MINAR1: variants seen among roughly 807,000 people sequenced by gnomAD.
MINAR1 encodes major intrinsically disordered Notch2-binding receptor 1.
In MINAR1, 40 loss-of-function variants were observed where a neutral mutation model predicts 65.1. That is an observed-to-expected ratio of 0.61 (90% confidence interval 0.48 to 0.80). The LOEUF (loss-of-function observed/expected upper bound fraction) is 0.80, where lower values mean the gene tolerates loss of function less well. Among genes scored for constraint, MINAR1 ranks in the 30% least tolerant of loss-of-function variants. The probability of loss-of-function intolerance (pLI) is 0.00; values close to 1 mark genes in which losing one functional copy is unlikely to be tolerated. For synonymous variants in MINAR1, 482 were observed against 449.1 expected, an observed-to-expected ratio of 1.07 and a Z score of -0.93; for missense variants, 1,128 against 1,148.0, an observed-to-expected ratio of 0.98 and a Z score of 0.25.
intron 2 of MINAR1, among the ~76,000 whole-genome samples, chr15:79,459,646 G>A (rs907141456): frequency 1.3e-5 from 2 of 152,178 alleles, no homozygotes; most frequent in East Asian, 1.9e-4. Context: ...GGAGGAGGCC[G>A]AGCTCCTCAA....
chr15:79,450,248 C>T (rs1471888418), intron 1 of MINAR1, among the ~76,000 whole-genome samples: 2 of 152,172 alleles, frequency 1.3e-5, no homozygotes, highest in Non-Finnish European at 2.9e-5. Flanking sequence ...CCCATCCAGC[C>T]CGCTCTAAAG....
At chr15:79,426,369 A>T in the MINAR1 span, 1 of 152,208 alleles carries the variant, frequency 6.6e-6, no homozygotes, top group African/African-American at 2.4e-5. Context: ...CTCAGGCAAA[A>T]GCATTGGGTT....
At chr15:79,462,925 G>A (rs993731327) in intron 2 of MINAR1, 142 bp from the exon 3 acceptor site, 13 of 808,366 alleles carry the variant, frequency 1.6e-5, no homozygotes, top group Non-Finnish European at 2.3e-5. Context: ...ATATGGTTAT[G>A]CTTTCATACT....
Position 79,434,062 on chromosome 15 carries a change from GATAA to G in MINAR1, c.-51+1528_-51+1531del, listed in dbSNP as rs148155549. ...CTGGAGGGAAAAACCTTAAATGTCT[GATAA>G]ATAAAGTCTGATTTTTATTGTGTGT... On this transcript the variant is annotated intron_variant, in intron 1 of 3. Coordinates refer to ENST00000305428, the MANE Select transcript of MINAR1 (RefSeq NM_015206.3). Among the ~76,000 whole-genome samples, 1,024 of 152,318 alleles carry G rather than the reference GATAA, an allele frequency of 6.7e-3. 42 individuals are homozygous for G. The East Asian group carries it at 0.13, about 19-fold the overall frequency.
At chr15:79,435,087 C>G (rs1340629778) in intron 1 of MINAR1, among the ~76,000 whole-genome samples, 3 of 152,134 alleles carry the variant, frequency 2.0e-5, no homozygotes, top group African/African-American at 7.2e-5. Flanking sequence ...CCAGCCTGAC[C>G]AACATGGAGA....
chr15:79,419,734 G>A, the MINAR1 span: 1 of 152,110 alleles, frequency 6.6e-6, no homozygotes, highest in Admixed American at 6.5e-5. Context: ...GAATCAAAGA[G>A]TAAATTAATA....
At chr15:79,434,487 C>T (rs1894539720) in intron 1 of MINAR1, among the ~76,000 whole-genome samples, 1 of 152,240 alleles carries the variant, frequency 6.6e-6, no homozygotes, top group Admixed American at 6.5e-5. Context: ...TGAGCCCTTT[C>T]TCAAATCTTG....
chr15:79,463,606 T>C, intron 3 of MINAR1: 2 of 619,486 alleles, frequency 3.2e-6, no homozygotes, highest in Admixed American at 2.1e-5. Flanking sequence ...TTTACGACTC[T>C]GTACCAAGTG....
At chr15:79,442,235 C>CTGTTTT in intron 1 of MINAR1, among the ~76,000 whole-genome samples, 1 of 152,078 alleles carries the variant, frequency 6.6e-6, no homozygotes, top group South Asian at 2.1e-4. Context: ...CTGTAATTTA[C>CTGTTTT]TTTTGTCAAT....
intron 1 of MINAR1, among the ~76,000 whole-genome samples, chr15:79,436,399 T>C (rs908596164): frequency 6.6e-6 from 1 of 152,146 alleles, no homozygotes; most frequent in Non-Finnish European, 1.5e-5. Flanking sequence ...TATTTGGTAA[T>C]ATACTCAGGT....
rs776589262 is a variant in MINAR1 at position 79,458,143 on chromosome 15, GCA to G, written c.2001_2002del (p.His667GlnfsTer13). 1.2e-5 allele frequency: 20 copies of G among 1,614,112 alleles called. No homozygotes were observed. The highest frequency in any genetic ancestry group is 1.7e-5 in the Non-Finnish European group (20 of 1,179,996). ...CAGTGCCTCTCCCCGGATGTTCCACGCACACAGTGGCTCCCACGGACCCAAAC... is the reference window on the plus strand; with the variant it reads ...CAGTGCCTCTCCCCGGATGTTCCACGCACAGTGGCTCCCACGGACCCAAAC... ...DDSASPRMFH[A>X]HSGSHGPKLE... On this transcript the variant is annotated frameshift_variant, in exon 2 of 4. Transcript: ENST00000305428. LOFTEE classifies it high-confidence loss of function.
chr15:79,456,665 C>T lies in MINAR1; in HGVS notation c.518C>T (p.Ser173Phe). 1 of 1,614,180 alleles carries T rather than the reference C, an allele frequency of 6.2e-7. No individual in the cohort carries two copies. Among genetic ancestry groups the T allele is most frequent in the Non-Finnish European group, 8.5e-7 (1 of 1,180,038 alleles). ...GACTGCCCACAGTTTGTCCCTGCCTCTGAGCCTAACTTCCTGTTGGGAGTT... is the reference window on the plus strand; with the variant it reads ...GACTGCCCACAGTTTGTCCCTGCCTTTGAGCCTAACTTCCTGTTGGGAGTT... ...CKDCPQFVPASEPNFLLGVSK... is the reference protein window; with the variant it reads ...CKDCPQFVPAFEPNFLLGVSK... The change falls in exon 2 of 4, where the codon TCT (serine) becomes TTT (phenylalanine). Residue 173 changes from serine to phenylalanine, a missense_variant. Ser to Phe is a radical substitution (Grantham distance 155). Transcript: ENST00000305428.
intron 2 of MINAR1, 96 bp from the exon 3 acceptor site, chr15:79,462,971 T>C: frequency 7.1e-7 from 1 of 1,399,492 alleles, no homozygotes; most frequent in African/African-American, 1.4e-5. Context: ...CTTTGCTACC[T>C]GAATGTCTAC....
rs373291507 is a variant in MINAR1 at position 79,469,539 on chromosome 15, GTCTATCTA to G, written c.*1165_*1172del. 5.3e-5 allele frequency: 8 copies of G among 151,454 alleles called. No homozygotes were observed. Among genetic ancestry groups the G allele is most frequent in the Non-Finnish European group, 1.2e-4 (8 of 67,842 alleles). 9.4% of individuals were successfully genotyped at this position (151,454 alleles called of 1,614,324 possible). On this transcript the variant is annotated 3_prime_UTR_variant, in exon 4 of 4. Transcript: ENST00000305428. ...TATCTGTTTAACCACTTATCTATATGTCTATCTATCTATCTATATGTCTATCTATCTAT... is the reference window on the plus strand; with the variant it reads ...TATCTGTTTAACCACTTATCTATATGTCTATCTATATGTCTATCTATCTAT...
At chr15:79,463,039 G>C (rs1168707526) in intron 2 of MINAR1, 28 bp from the exon 3 acceptor site, 10 of 1,594,304 alleles carry the variant, frequency 6.3e-6, no homozygotes, top group African/African-American at 1.3e-5. Context: ...TGTGCCACTT[G>C]TCTGGACTTC....
intron 2 of MINAR1, among the ~76,000 whole-genome samples, chr15:79,459,767 T>G (rs1196498722): frequency 6.6e-6 from 1 of 152,184 alleles, no homozygotes; most frequent in Non-Finnish European, 1.5e-5. Context: ...ACCTCTAGTG[T>G]CTGCTGGTTA....
In MINAR1 at chr15:79,469,371, CATTTTCAATGGCTTTAAAAAG is replaced by C. The variant is rs1895989953; in HGVS notation, c.*993_*1013del. 6.6e-6 allele frequency: 1 copy of C among 152,484 alleles called. No homozygotes were observed. The highest frequency in any genetic ancestry group is 2.1e-4 in the South Asian group (1 of 4,802). 9.4% of individuals were successfully genotyped at this position (152,484 alleles called of 1,614,324 possible). A position where few individuals can be genotyped will look rare whatever the true frequency, so the allele number is the denominator to read the frequency against. On this transcript the variant is annotated 3_prime_UTR_variant, in exon 4 of 4. Transcript: ENST00000305428. The stretch of plus-strand genomic sequence containing the variant: ...GTTTTCACGCACCACTAATATCTGC[CATTTTCAATGGCTTTAAAAAG>C]ATTTTGAAAGCTTGCTCAATAATGT...
chr15:79,456,685 G>T lies in MINAR1; in HGVS notation c.538G>T (p.Gly180Ter), dbSNP rs538077419. ...VPASEPNFLL[G>*]VSKEVKNRAA... Reference sequence around the variant, plus strand: ...TGCCTCTGAGCCTAACTTCCTGTTGGGAGTTAGCAAAGAGGTGAAAAACCG... The same window carrying T: ...TGCCTCTGAGCCTAACTTCCTGTTGTGAGTTAGCAAAGAGGTGAAAAACCG... The change falls in exon 2 of 4, where the codon GGA becomes TGA. Residue 180 changes from glycine (G) to a stop codon, truncating the protein, a stop_gained. Coordinates refer to ENST00000305428, the MANE Select transcript of MINAR1 (RefSeq NM_015206.3). LOFTEE classifies it high-confidence loss of function. The T allele has an allele frequency of 6.2e-7, 1 of 1,614,164 alleles. No homozygotes were observed.
chr15:79,429,855 G>A (rs1894397546), upstream of MINAR1, among the ~76,000 whole-genome samples: 1 of 152,230 alleles, frequency 6.6e-6, no homozygotes, highest in Admixed American at 6.5e-5. Flanking sequence ...TGTGTGCAAC[G>A]GGAGAGGGAG....
Sources: gnomAD v4.1 joint callset for allele counts (sites outside exome capture counted in the v4.1 genomes callset) on GRCh38, gnomAD v4.1.1 for gene constraint, MANE v1.5 for transcripts, NCBI Gene and HGNC (gene_info 2026-07-23, HGNC 2026-07-21) for gene names.